Variants in PDE4D observed in about 807,000 individuals in gnomAD.
PDE4D encodes 3',5'-cyclic-AMP phosphodiesterase 4D.
A neutral mutation model predicts 87.4 loss-of-function variants in PDE4D; 24 were observed. The observed-to-expected ratio is 0.27, with a 90% CI of 0.20 to 0.39. The LOEUF (loss-of-function observed/expected upper bound fraction) is 0.39, where lower values mean the gene tolerates loss of function less well. Ranked by LOEUF, PDE4D falls within the 10% of genes least tolerant of loss-of-function variation. The pLI, the probability that PDE4D is intolerant of heterozygous loss-of-function variation, is 1.00. For synonymous variants in PDE4D, 384 were observed against 383.2 expected (o/e 1.00, Z -0.02); for missense variants, 714 against 1,041.0 (o/e 0.69, Z 4.32).
At chr5:59,836,184 T>C (rs1470062918) in intron 1 of PDE4D, among the ~76,000 whole-genome samples, 1 of 152,002 alleles carries the variant, frequency 6.6e-6, no homozygotes, top group Non-Finnish European at 1.5e-5. Context: ...CATCACCATC[T>C]TCACCATCAG....
intron 1 of PDE4D, chr5:59,216,844 G>A (rs141712475): frequency 3.4e-5 from 6 of 174,350 alleles, no homozygotes; most frequent in African/African-American, 1.2e-4. Context: ...GTACATCAGA[G>A]CTTTATGAAA....
At chr5:59,283,321 C>T (rs1766212595) in intron 1 of PDE4D, among the ~76,000 whole-genome samples, 1 of 152,062 alleles carries the variant, frequency 6.6e-6, no homozygotes, top group Non-Finnish European at 1.5e-5. Context: ...TGGATCCTGT[C>T]CCCTTGACTC....
At chr5:59,676,003 T>C (rs1408610595) in intron 1 of PDE4D, among the ~76,000 whole-genome samples, 3 of 152,124 alleles carry the variant, frequency 2.0e-5, no homozygotes, top group Non-Finnish European at 2.9e-5. Flanking sequence ...AAAAATATAG[T>C]GTTAAGAGAT....
rs142802881 is a variant in PDE4D at position 59,724,410 on chromosome 5, C to T, written c.455+168758G>A. Among the ~76,000 whole-genome samples, 263 of 152,132 alleles carry T rather than the reference C, an allele frequency of 1.7e-3. 1 individual carries two copies. Among genetic ancestry groups the T allele is most frequent in the African/African-American group, 5.7e-3 (236 of 41,526 alleles). ...AGAGGGAACATAAGCAGCTTTATTACATGACTAAGTTGCATTTTGTAGGGG... is the reference window on the plus strand; with the variant it reads ...AGAGGGAACATAAGCAGCTTTATTATATGACTAAGTTGCATTTTGTAGGGG... On this transcript the variant is annotated intron_variant, in intron 1 of 14. Coordinates refer to ENST00000340635, the MANE Select transcript of PDE4D (RefSeq NM_001104631.2).
At chr5:60,469,347 C>T (rs1294227264) in intron 1 of PDE4D, among the ~76,000 whole-genome samples, 2 of 152,002 alleles carry the variant, frequency 1.3e-5, no homozygotes, top group African/African-American at 4.8e-5. Context: ...GTCACCAGCT[C>T]CCCTTCATCT....
At position 60,117,825 on chromosome 5, in the gene PDE4D, T is replaced by TAC. The variant is rs370541468; in HGVS notation, c.42+67730_42+67731dup. Among the ~76,000 whole-genome samples the TAC allele has an allele frequency of 8.7e-3, 1,293 of 148,142 alleles. 4 individuals carry two copies. Among genetic ancestry groups the TAC allele is most frequent in the African/African-American group, 0.017 (703 of 40,244 alleles). ...GCTACTAAACACAAACACACACACATACACACACACACACACACCACAGAG... is the reference window on the plus strand; with the variant it reads ...GCTACTAAACACAAACACACACACATACACACACACACACACACACCACAGAG... On this transcript the variant is annotated intron_variant, in intron 2 of 16. Coordinates refer to the PDE4D transcript ENST00000502484.
chr5:59,005,814 C>T (rs978107072), intron 6 of PDE4D, among the ~76,000 whole-genome samples: 1 of 152,186 alleles, frequency 6.6e-6, no homozygotes, highest in African/African-American at 2.4e-5. Flanking sequence ...AATGCAAACC[C>T]AGTCCTTGCT....
intron 3 of PDE4D, among the ~76,000 whole-genome samples, chr5:59,969,416 T>C (rs1222079742): frequency 6.6e-6 from 1 of 152,150 alleles, no homozygotes; most frequent in Non-Finnish European, 1.5e-5. Flanking sequence ...GAATAGAATA[T>C]ATTAAGGTTG....
chr5:60,415,943 C>T (rs1415017839), intron 1 of PDE4D, among the ~76,000 whole-genome samples: 2 of 152,014 alleles, frequency 1.3e-5, no homozygotes, highest in Non-Finnish European at 2.9e-5. Context: ...CACCAATCAG[C>T]ACTCTGTATG....
At chr5:60,393,147 A>G (rs1762665426) in intron 1 of PDE4D, among the ~76,000 whole-genome samples, 1 of 152,208 alleles carries the variant, frequency 6.6e-6, no homozygotes, top group Non-Finnish European at 1.5e-5. Context: ...TGTTCAAATA[A>G]ATCAAATGCT....
chr5:59,605,122 G>A (rs1157688006), intron 1 of PDE4D, among the ~76,000 whole-genome samples: 2 of 152,042 alleles, frequency 1.3e-5, no homozygotes, highest in Admixed American at 1.3e-4. Context: ...GGTTGAAGGT[G>A]CTTAAAACTG....
At chr5:60,122,613 G>A (rs1778790160) in intron 2 of PDE4D, among the ~76,000 whole-genome samples, 2 of 152,162 alleles carry the variant, frequency 1.3e-5, no homozygotes, top group African/African-American at 2.4e-5. Flanking sequence ...ACAGCACGGG[G>A]ACCCTGGGCC....
intron 5 of PDE4D, among the ~76,000 whole-genome samples, chr5:59,080,698 C>A (rs763288995): frequency 4.6e-5 from 7 of 152,124 alleles, no homozygotes; most frequent in Non-Finnish European, 1.0e-4. Flanking sequence ...TAGTTTTGAT[C>A]TTCTTTGAAG....
intron 1 of PDE4D, among the ~76,000 whole-genome samples, chr5:59,416,984 A>G (rs1367442105): frequency 6.6e-6 from 1 of 152,178 alleles, no homozygotes; most frequent in Admixed American, 6.5e-5. Context: ...TACATACAAT[A>G]CATATATGAA....
intron 1 of PDE4D, among the ~76,000 whole-genome samples, chr5:59,528,043 C>T (rs79915398): frequency 2.6e-3 from 402 of 152,302 alleles, no homozygotes; most frequent in Non-Finnish European, 4.7e-3. Context: ...GTGAACTGCA[C>T]GCTTAAAGGT....
intron 1 of PDE4D, among the ~76,000 whole-genome samples, chr5:59,424,682 A>G (rs556408265): frequency 1.4e-4 from 21 of 152,294 alleles, no homozygotes; most frequent in East Asian, 1.9e-4. Context: ...CCATGATTCA[A>G]TTACCTGCTA....
chr5:59,256,209 T>C (rs1581632875), intron 1 of PDE4D, among the ~76,000 whole-genome samples: 1 of 152,092 alleles, frequency 6.6e-6, no homozygotes, highest in South Asian at 2.1e-4. Flanking sequence ...ACTTTCTTTC[T>C]GATAAGAATA....
At chr5:59,471,240 G>A (rs553247460) in intron 1 of PDE4D, among the ~76,000 whole-genome samples, 1 of 152,218 alleles carries the variant, frequency 6.6e-6, no homozygotes, top group East Asian at 1.9e-4. Flanking sequence ...GTGAGGCCCT[G>A]TCTCAAAAAG....
intron 1 of PDE4D, among the ~76,000 whole-genome samples, chr5:59,847,075 T>C (rs528469660): frequency 6.6e-6 from 1 of 151,970 alleles, no homozygotes; most frequent in African/African-American, 2.4e-5. Flanking sequence ...ATGAACTCCA[T>C]GGGTGAGAGA....
Sources: allele counts gnomAD v4.1 joint callset (sites outside exome capture counted in the v4.1 genomes callset), GRCh38; gene constraint gnomAD v4.1.1; transcripts MANE v1.5; gene names NCBI Gene and HGNC (gene_info 2026-07-23, HGNC 2026-07-21).